The following CAPS2 variants were observed in gnomAD, a reference collection of about 807,000 sequenced individuals.
CAPS2 encodes the protein calcyphosin-2.
In CAPS2, 98 loss-of-function variants were observed where a neutral mutation model predicts 86.5. The observed-to-expected ratio is 1.13, with a 90% CI of 0.96 to 1.34. CAPS2 has a LOEUF of 1.34. Among genes scored for constraint, CAPS2 ranks in the 40% most tolerant of loss-of-function variants. The pLI is 0.00. For synonymous variants in CAPS2, 210 were observed against 225.1 expected (o/e 0.93, Z 0.60); for missense variants, 729 against 686.8 (o/e 1.06, Z -0.69).
chr12:75,290,948 T>C (rs1435784956), intron 13 of CAPS2, among the ~76,000 whole-genome samples: 1 of 81,762 alleles, frequency 1.2e-5, no homozygotes, highest in African/African-American at 4.0e-5. Context: ...AAAAAAAACA[T>C]AAATTACATG....
intron 13 of CAPS2, among the ~76,000 whole-genome samples, 175 bp downstream of exon 13, chr12:75,291,569 A>ATATATATATATAGCTTATTTTTAAAAG: frequency 6.0e-5 from 1 of 16,552 alleles, no homozygotes; most frequent in Non-Finnish European, 1.2e-4. Context: ...TTTTAAAAGT[A>ATATATATATATAGCTTATTTTTAAAAG]TATATATATA....
intron 1 of CAPS2, among the ~76,000 whole-genome samples, chr12:75,379,202 T>C (rs2044824994): frequency 6.6e-6 from 1 of 152,240 alleles, no homozygotes; most frequent in South Asian, 2.1e-4. Context: ...TACAGAATTA[T>C]ATTCCCTGAT....
At chr12:75,316,921 C>G (rs1012007276) in intron 5 of CAPS2, among the ~76,000 whole-genome samples, 4 of 151,946 alleles carry the variant, frequency 2.6e-5, no homozygotes, top group African/African-American at 9.7e-5. Context: ...AGATAAATAC[C>G]AAATTGTTCT....
At position 75,284,959 on chromosome 12, in the gene CAPS2, AC is replaced by A. The variant is rs766712873; in HGVS notation, c.1515+1del. 1.3e-6 allele frequency: 2 copies of A among 1,596,818 alleles called. No individual in the cohort carries two copies. Among genetic ancestry groups the A allele is most frequent in the Non-Finnish European group, 1.7e-6 (2 of 1,171,140 alleles). On this transcript the variant is annotated splice_donor_variant, in intron 15 of 16. Transcript: ENST00000393284. LOFTEE classifies it high-confidence loss of function. Reference sequence around the variant, plus strand: ...ATTTGAAAGATTACTTAACAAAGTTACCTTTCGAACATATGATTTCCTGTAT... The same window carrying A: ...ATTTGAAAGATTACTTAACAAAGTTACTTTCGAACATATGATTTCCTGTAT...
At chr12:75,367,006 C>A in intron 1 of CAPS2, 1 of 701,498 alleles carries the variant, frequency 1.4e-6, no homozygotes, top group Non-Finnish European at 2.6e-6. Flanking sequence ...CTCTTCAGAG[C>A]TGAGGAGGTA....
In CAPS2 at chr12:75,296,941, A is replaced by G. The variant is rs529403330; in HGVS notation, c.1044+1746T>C. Among the ~76,000 whole-genome samples the G allele has an allele frequency of 2.0e-5, 3 of 152,366 alleles. No individual in the cohort carries two copies. In the South Asian group the frequency reaches 6.2e-4, roughly 32 times the overall value. On this transcript the variant is annotated intron_variant, in intron 11 of 16. Coordinates refer to ENST00000393284, the Ensembl canonical transcript of CAPS2. ...TCTAATAAATTGTAAAATGCTTACA[A>G]TGCTACAATGTGAACCTCTTTTGAT...
chr12:75,305,632 G>A (rs2038373213), intron 7 of CAPS2: 1 of 624,288 alleles, frequency 1.6e-6, no homozygotes, highest in Non-Finnish European at 3.0e-6. Flanking sequence ...CTCAGCAGCA[G>A]GCCGCGGAGA....
chr12:75,298,579 A>G, intron 11 of CAPS2, 108 bp downstream of exon 11: 2 of 790,766 alleles, frequency 2.5e-6, no homozygotes, highest in Non-Finnish European at 4.2e-6. Context: ...TTCAGGATGC[A>G]GGAGAGGAAA....
At chr12:75,325,154 A>G in intron 2 of CAPS2, 85 bp downstream of exon 3, 2 of 1,276,828 alleles carry the variant, frequency 1.6e-6, no homozygotes, top group Non-Finnish European at 2.1e-6. Flanking sequence ...AGCTACATTT[A>G]TAATTTTGCT....
chr12:75,342,875 G>C (rs2042209234), intron 1 of CAPS2, among the ~76,000 whole-genome samples: 2 of 151,854 alleles, frequency 1.3e-5, no homozygotes, highest in African/African-American at 2.4e-5. Flanking sequence ...TTTCAGCATA[G>C]AGATCTTGTA....
chr12:75,346,376 G>C (rs978545866), intron 1 of CAPS2, among the ~76,000 whole-genome samples: 1 of 152,002 alleles, frequency 6.6e-6, no homozygotes, highest in Non-Finnish European at 1.5e-5. Context: ...AAACCACAAA[G>C]ATGGCTGAAA....
chr12:75,302,202 G>A (rs1218075273), intron 8 of CAPS2, among the ~76,000 whole-genome samples: 1 of 152,158 alleles, frequency 6.6e-6, no homozygotes, highest in Non-Finnish European at 1.5e-5. Flanking sequence ...AGGAGTGAAA[G>A]CTAAAAATTC....
chr12:75,384,182 T>C lies in CAPS2; in HGVS notation c.-395+6656A>G, dbSNP rs190625885. 3.9e-4 allele frequency among the ~76,000 whole-genome samples: 60 copies of C among 152,040 alleles called. No individual in the cohort carries two copies. The East Asian group carries it at 0.01, about 26-fold the overall frequency. Reference sequence around the variant, plus strand: ...AAATTTGAACAGAAATCAATAAAATTGAAAACAAAATTAATAGAGAAAATT... The same window carrying C: ...AAATTTGAACAGAAATCAATAAAATCGAAAACAAAATTAATAGAGAAAATT... On this transcript the variant is annotated intron_variant, in intron 1 of 5. Coordinates refer to the CAPS2 transcript ENST00000551829.
At chr12:75,386,968 T>C (rs1484760025) in intron 1 of CAPS2, among the ~76,000 whole-genome samples, 1 of 152,178 alleles carries the variant, frequency 6.6e-6, no homozygotes, top group Non-Finnish European at 1.5e-5. Context: ...CAGAAGGTTA[T>C]ATAAGAGAAA....
intron 1 of CAPS2, among the ~76,000 whole-genome samples, chr12:75,340,040 T>TTCAATTA (rs2041997457): frequency 6.6e-6 from 1 of 152,086 alleles, no homozygotes; most frequent in Non-Finnish European, 1.5e-5. Flanking sequence ...ATTAGAATAA[T>TTCAATTA]GGTCTCCAAC....
At chr12:75,334,773 G>A (rs1428597855), upstream of CAPS2, 4 of 1,613,568 alleles carry the variant, frequency 2.5e-6, no homozygotes, top group Admixed American at 6.7e-5. Context: ...TCTTGGGTCT[G>A]TGTTTGGTAG....
intron 1 of CAPS2, among the ~76,000 whole-genome samples, chr12:75,352,956 C>T (rs911453196): frequency 7.9e-5 from 12 of 151,898 alleles, no homozygotes; most frequent in Admixed American, 5.9e-4. Context: ...ATAAGAACAA[C>T]GATATAACAC....
At chr12:75,367,003 G>A (rs1459774555) in intron 1 of CAPS2, 1 of 701,406 alleles carries the variant, frequency 1.4e-6, no homozygotes, top group South Asian at 1.5e-5. Flanking sequence ...TTTCTCTTCA[G>A]AGCTGAGGAG....
chr12:75,380,678 T>C (rs568217358), intron 1 of CAPS2, among the ~76,000 whole-genome samples: 16 of 152,318 alleles, frequency 1.1e-4, no homozygotes, highest in Admixed American at 8.5e-4. Context: ...ATAATAGTAA[T>C]ACCTAACAGT....
Sources: gnomAD v4.1 joint callset for allele counts (sites outside exome capture counted in the v4.1 genomes callset) on GRCh38, gnomAD v4.1.1 for gene constraint, MANE v1.5 for transcripts, NCBI Gene and HGNC (gene_info 2026-07-23, HGNC 2026-07-21) for gene names.